Variants in SUGCT observed in about 807,000 individuals in gnomAD.
SUGCT encodes the protein succinyl-CoA:glutarate-CoA transferase, also known as succinyl-CoA:glutarate CoA-transferase.
Under a neutral mutation model 55.0 loss-of-function variants are expected in SUGCT, and 41 were observed. That is an observed-to-expected ratio of 0.74 (90% confidence interval 0.58 to 0.97). The LOEUF is 0.97. Among genes scored for constraint, SUGCT ranks in the 50% least tolerant of loss-of-function variants. The probability of loss-of-function intolerance (pLI) is 0.00; values close to 1 mark genes in which losing one functional copy is unlikely to be tolerated. For synonymous variants in SUGCT, 187 were observed against 200.4 expected, an observed-to-expected ratio of 0.93 and a Z score of 0.56; for missense variants, 568 against 547.8, an observed-to-expected ratio of 1.04 and a Z score of -0.37.
chr7:40,643,763 T>A (rs1274505055), intron 12 of SUGCT, among the ~76,000 whole-genome samples: 1 of 152,162 alleles, frequency 6.6e-6, no homozygotes, highest in Non-Finnish European at 1.5e-5. Flanking sequence ...AATGGAAACA[T>A]CTGTCCTTCT....
intron 12 of SUGCT, among the ~76,000 whole-genome samples, chr7:40,651,433 G>T (rs922402462): frequency 5.4e-5 from 8 of 148,412 alleles, no homozygotes; most frequent in Non-Finnish European, 1.0e-4. Context: ...CTTTTTAATG[G>T]TTTTTTTTTT....
intron 13 of SUGCT, among the ~76,000 whole-genome samples, chr7:40,774,530 T>G (rs1001843571): frequency 1.3e-5 from 2 of 151,990 alleles, no homozygotes; most frequent in African/African-American, 4.8e-5. Context: ...ATTGTGTTAA[T>G]TTTTGCTACA....
At chr7:40,829,801 G>GTC (rs892781698) in intron 13 of SUGCT, among the ~76,000 whole-genome samples, 4 of 152,160 alleles carry the variant, frequency 2.6e-5, no homozygotes, top group African/African-American at 9.6e-5. Flanking sequence ...CCTCCCCAGT[G>GTC]TCTCTCTCTA....
chr7:40,196,005 C>A (rs867997098), intron 6 of SUGCT, among the ~76,000 whole-genome samples: 1 of 152,138 alleles, frequency 6.6e-6, no homozygotes, highest in African/African-American at 2.4e-5. Flanking sequence ...TGAGCCATCA[C>A]TCCTGGCCTA....
chr7:40,176,764 G>A (rs1269835311), intron 1 of SUGCT, among the ~76,000 whole-genome samples: 4 of 151,864 alleles, frequency 2.6e-5, no homozygotes, highest in African/African-American at 9.7e-5. Context: ...CCTGAGGTCA[G>A]GAGTTTGAGA....
chr7:40,440,316 C>T (rs956611375), intron 9 of SUGCT, among the ~76,000 whole-genome samples: 1 of 151,708 alleles, frequency 6.6e-6, no homozygotes, highest in African/African-American at 2.4e-5. Flanking sequence ...TGCACCACTA[C>T]GCCTGGCTAA....
chr7:40,198,128 AC>A (rs1786390588), intron 6 of SUGCT, among the ~76,000 whole-genome samples: 1 of 152,112 alleles, frequency 6.6e-6, no homozygotes, highest in African/African-American at 2.4e-5. Context: ...TAGTCTGAAA[AC>A]GTACCTCTCA....
the SUGCT span, among the ~76,000 whole-genome samples, chr7:40,959,758 A>G: frequency 6.6e-6 from 1 of 151,936 alleles, no homozygotes; most frequent in Non-Finnish European, 1.5e-5. Context: ...GTGTCTGCCC[A>G]AAAGGTCACC....
chr7:40,754,156 C>T (rs1443351950), intron 13 of SUGCT, among the ~76,000 whole-genome samples: 1 of 152,084 alleles, frequency 6.6e-6, no homozygotes, highest in Non-Finnish European at 1.5e-5. Context: ...CATTAAAGTA[C>T]TCCCTCATCT....
In SUGCT at chr7:40,403,377, AAC is replaced by A. The variant is rs556023528; in HGVS notation, c.817-45906_817-45905del. On this transcript the variant is annotated intron_variant, in intron 9 of 13. Transcript: ENST00000335693. ...GAAAGCTGAGTAGTATTTTATCCAA[AAC>A]ACATTTGATTAGGGTACAATTTATC... is the stretch of plus-strand genomic sequence containing the variant. Among the ~76,000 whole-genome samples, 125 of 152,308 alleles carry A rather than the reference AAC, an allele frequency of 8.2e-4. 1 individual carries two copies. Among genetic ancestry groups the A allele is most frequent in the African/African-American group, 2.9e-3 (120 of 41,552 alleles).
chr7:40,498,646 T>G (rs1462148365), intron 12 of SUGCT, among the ~76,000 whole-genome samples: 1 of 152,182 alleles, frequency 6.6e-6, no homozygotes, highest in East Asian at 1.9e-4. Flanking sequence ...ACTTCTAGAC[T>G]TTAGTTTCCT....
At chr7:40,983,580 C>A in the SUGCT span, among the ~76,000 whole-genome samples, 4 of 152,190 alleles carry the variant, frequency 2.6e-5, no homozygotes, top group Admixed American at 6.5e-5. Context: ...TCCTTTGCTG[C>A]CATTTAGCCC....
At chr7:40,981,321 G>A in the SUGCT span, among the ~76,000 whole-genome samples, 1 of 152,154 alleles carries the variant, frequency 6.6e-6, no homozygotes, top group Non-Finnish European at 1.5e-5. Context: ...AACCCAAGAA[G>A]TCTGACAGAC....
At chr7:40,477,134 T>A (rs930735154) in intron 11 of SUGCT, among the ~76,000 whole-genome samples, 1 of 152,226 alleles carries the variant, frequency 6.6e-6, no homozygotes, top group Non-Finnish European at 1.5e-5. Context: ...GCTATATGTA[T>A]AGGAAAGATA....
Position 40,191,659 on chromosome 7 carries a change from A to C in SUGCT, c.363+2065A>C, listed in dbSNP as rs112243921. On this transcript the variant is annotated intron_variant, in intron 5 of 13. Coordinates refer to ENST00000335693, the MANE Select transcript of SUGCT (RefSeq NM_001193313.2). ...AGCAATCCGCATGCCTCAGCCACCCAAAATGCTGGGATTACAGGTGGGAAC... is the reference window on the plus strand; with the variant it reads ...AGCAATCCGCATGCCTCAGCCACCCCAAATGCTGGGATTACAGGTGGGAAC... Among the ~76,000 whole-genome samples the C allele has an allele frequency of 5.3e-3, 811 of 152,336 alleles. 10 individuals carry two copies. Among genetic ancestry groups the C allele is most frequent in the African/African-American group, 0.018 (763 of 41,582 alleles).
intron 9 of SUGCT, among the ~76,000 whole-genome samples, chr7:40,350,736 C>T (rs370172883): frequency 6.6e-6 from 1 of 152,170 alleles, no homozygotes; most frequent in African/African-American, 2.4e-5. Context: ...TGGTTTGCTG[C>T]ACCCATCAAC....
the SUGCT span, among the ~76,000 whole-genome samples, chr7:40,901,932 GCACATCCAGCCAAATCCA>G: frequency 6.6e-6 from 1 of 152,186 alleles, no homozygotes; most frequent in East Asian, 1.9e-4. Context: ...GCCTTGCGGT[GCACATCCAGCCAAATCCA>G]GGCAAGTGGG....
chr7:40,794,920 C>T (rs1790479411), intron 13 of SUGCT, among the ~76,000 whole-genome samples: 1 of 152,016 alleles, frequency 6.6e-6, no homozygotes, highest in African/African-American at 2.4e-5. Context: ...ACATTTTGAG[C>T]AATCAGATAA....
intron 9 of SUGCT, among the ~76,000 whole-genome samples, chr7:40,366,330 T>G (rs199968392): frequency 6.6e-6 from 1 of 152,090 alleles, no homozygotes; most frequent in African/African-American, 2.4e-5. Context: ...AACCTAGGCA[T>G]TACCATTCAG....
Sources: allele counts gnomAD v4.1 joint callset (sites outside exome capture counted in the v4.1 genomes callset), GRCh38; gene constraint gnomAD v4.1.1; transcripts MANE v1.5; gene names NCBI Gene and HGNC (gene_info 2026-07-23, HGNC 2026-07-21).